The following ZC4H2 variants were observed in gnomAD, a reference collection of about 807,000 sequenced individuals.
ZC4H2 encodes the protein zinc finger C4H2-type containing.
For missense variants in ZC4H2, 137 were observed against 173.9 expected, an observed-to-expected ratio of 0.79 and a Z score of 1.19; for synonymous variants, 84 against 66.3, an observed-to-expected ratio of 1.27 and a Z score of -1.30.
At chrX:64,947,941 T>C (rs1362733487) in intron 1 of ZC4H2, among the ~76,000 whole-genome samples, 1 of 111,170 alleles carries the variant, frequency 9.0e-6, no homozygotes, top group East Asian at 2.8e-4. Context: ...GATTCATGAA[T>C]TGTTCATTGC....
chrX:64,922,485 G>A (rs1030010788), intron 1 of ZC4H2, among the ~76,000 whole-genome samples: 1 of 110,993 alleles, frequency 9.0e-6, no homozygotes, highest in South Asian at 3.8e-4. Flanking sequence ...AAGCTCAGTG[G>A]GTCTCGAATG....
In ZC4H2 at chrX:64,935,092, G is replaced by T. The variant is rs188787546; in HGVS notation, c.54-13104C>A. On this transcript the variant is annotated intron_variant, in intron 1 of 4. Coordinates refer to ENST00000374839, the MANE Select transcript of ZC4H2 (RefSeq NM_018684.4). Reference sequence around the variant, plus strand: ...GATCCACTGGCTTGAAATTCTCTCTGCCAGCACAGCAGCAGTCTGATACCG... The same window carrying T: ...GATCCACTGGCTTGAAATTCTCTCTTCCAGCACAGCAGCAGTCTGATACCG... Among the ~76,000 whole-genome samples the T allele has an allele frequency of 2.0e-3, 221 of 111,854 alleles. 1 individual carries two copies. Among genetic ancestry groups the T allele is most frequent in the Admixed American group, 6.2e-3 (66 of 10,599 alleles).
Position 64,917,331 on chromosome X carries a change from T to A in ZC4H2, c.*452A>T, listed in dbSNP as rs758070619. On this transcript the variant is annotated 3_prime_UTR_variant, in exon 5 of 5. Coordinates refer to ENST00000374839, the MANE Select transcript of ZC4H2 (RefSeq NM_018684.4). The stretch of plus-strand genomic sequence containing the variant: ...TACATGCACCCAGCCTGTTGGAGAA[T>A]CCAACATGAAGACTATTGTCCCTTG... The A allele has an allele frequency of 1.7e-5, 2 of 114,545 alleles. No homozygotes were observed. Among genetic ancestry groups the A allele is most frequent in the Non-Finnish European group, 3.6e-5 (2 of 55,347 alleles). 9.4% of individuals were successfully genotyped at this position (114,545 alleles called of 1,213,427 possible). A position where few individuals can be genotyped will look rare whatever the true frequency, so the allele number is the denominator to read the frequency against.
At chrX:64,927,738 A>G (rs977056550) in intron 1 of ZC4H2, among the ~76,000 whole-genome samples, 9 of 112,446 alleles carry the variant, frequency 8.0e-5, no homozygotes, top group African/African-American at 2.9e-4. Context: ...ACTAATTTAC[A>G]CTTCCACCAA....
intron 1 of ZC4H2, among the ~76,000 whole-genome samples, chrX:64,988,257 T>G (rs1046047846): frequency 1.9e-4 from 21 of 111,181 alleles, no homozygotes; most frequent in Admixed American, 1.2e-3. Context: ...CCCAGTAATG[T>G]GATGGCTGGG....
chrX:64,918,889 C>A (rs1174729457), intron 4 of ZC4H2, 153 bp downstream of exon 4: 25 of 663,727 alleles, frequency 3.8e-5, no homozygotes, highest in Non-Finnish European at 4.9e-5. Flanking sequence ...TCCAACACAG[C>A]ACACCCATGT....
At chrX:64,982,019 T>C (rs756068260) in intron 1 of ZC4H2, among the ~76,000 whole-genome samples, 1 of 111,570 alleles carries the variant, frequency 9.0e-6, no homozygotes, top group Admixed American at 9.5e-5. Context: ...CAAATGCAAA[T>C]TTCAGGGAAC....
At chrX:64,961,048 T>C (rs868209860) in intron 1 of ZC4H2, among the ~76,000 whole-genome samples, 10 of 111,514 alleles carry the variant, frequency 9.0e-5, no homozygotes, top group Non-Finnish European at 1.5e-4. Flanking sequence ...AAGTGGGGTA[T>C]TGAAGTCTCT....
At chrX:64,971,051 CCTA>C (rs1334362638) in intron 1 of ZC4H2, among the ~76,000 whole-genome samples, 1 of 112,128 alleles carries the variant, frequency 8.9e-6, no homozygotes, top group Non-Finnish European at 1.9e-5. Flanking sequence ...CCAAAGTATA[CCTA>C]CTACTTCATA....
chrX:64,935,300 TG>T (rs1413892179), intron 1 of ZC4H2, among the ~76,000 whole-genome samples: 5 of 111,667 alleles, frequency 4.5e-5, no homozygotes, highest in African/African-American at 6.5e-5. Context: ...AGGGCATCTC[TG>T]AAAAAAAGGC....
At chrX:64,963,018 C>G (rs755000497) in intron 1 of ZC4H2, among the ~76,000 whole-genome samples, 9 of 110,319 alleles carry the variant, frequency 8.2e-5, no homozygotes, top group African/African-American at 3.0e-4. Context: ...ACAATCTTAT[C>G]CCCTGATTTT....
chrX:64,982,228 T>C (rs1468599766), intron 1 of ZC4H2, among the ~76,000 whole-genome samples: 1 of 112,058 alleles, frequency 8.9e-6, no homozygotes, highest in South Asian at 3.8e-4. Context: ...CTAGCTCCAA[T>C]GACCTTCCGT....
At chrX:64,970,218 G>C (rs1201872636) in intron 1 of ZC4H2, among the ~76,000 whole-genome samples, 2 of 112,211 alleles carry the variant, frequency 1.8e-5, no homozygotes, top group Non-Finnish European at 3.8e-5. Context: ...TGGAAACAAA[G>C]CTACTGTCAG....
chrX:64,936,050 A>G (rs770704177), intron 1 of ZC4H2, among the ~76,000 whole-genome samples: 3 of 110,140 alleles, frequency 2.7e-5, no homozygotes, highest in Admixed American at 9.8e-5. Flanking sequence ...ATTGCTAACT[A>G]GAATAACCAG....
intron 1 of ZC4H2, among the ~76,000 whole-genome samples, chrX:64,963,575 A>C (rs1931481529): frequency 8.9e-6 from 1 of 111,970 alleles, no homozygotes; most frequent in Non-Finnish European, 1.9e-5. Context: ...AAATCCTACA[A>C]ACCAATAGTA....
intron 1 of ZC4H2, among the ~76,000 whole-genome samples, chrX:65,000,233 T>A (rs1414568585): frequency 1.8e-5 from 2 of 111,884 alleles, no homozygotes; most frequent in African/African-American, 6.5e-5. Flanking sequence ...AGGAAGAAGC[T>A]TCCAGAGGAA....
rs200499243 is a variant in ZC4H2, at chrX:65,013,502, A to AT, written c.-272+21126dup. Among the ~76,000 whole-genome samples the AT allele has an allele frequency of 6.9e-3, 760 of 110,891 alleles. 9 individuals carry two copies. Among genetic ancestry groups the AT allele is most frequent in the African/African-American group, 0.019 (593 of 30,491 alleles). Reference sequence around the variant, plus strand: ...TCTTGCTAGCAGACTCTCTTTATTGATTTTTTTTAGCTTGCAGGCCTTGAT... The same window carrying AT: ...TCTTGCTAGCAGACTCTCTTTATTGATTTTTTTTTAGCTTGCAGGCCTTGAT... On this transcript the variant is annotated intron_variant, in intron 1 of 4. Coordinates refer to the ZC4H2 transcript ENST00000337990.
rs139256231 is a variant in ZC4H2 at position 64,974,640 on chromosome X, G to C, written c.53+1685C>G. 6.0e-3 allele frequency among the ~76,000 whole-genome samples: 672 copies of C among 111,505 alleles called. 6 individuals carry two copies. Among genetic ancestry groups the C allele is most frequent in the African/African-American group, 0.02 (623 of 30,691 alleles). ...AAGGGCTGTTTGTTACTGCTGTTTA[G>C]AGGTGAAAGTTTGGCCTTCTCTCTG... On this transcript the variant is annotated intron_variant, in intron 1 of 4. Transcript: ENST00000374839.
At chrX:65,034,296 C>T (rs1457116766) in intron 1 of ZC4H2, among the ~76,000 whole-genome samples, 1 of 110,769 alleles carries the variant, frequency 9.0e-6, no homozygotes, top group East Asian at 2.8e-4. Context: ...TATGCTGTTG[C>T]AGTAGTCAAG....
Sources: gnomAD v4.1 joint callset for allele counts (sites outside exome capture counted in the v4.1 genomes callset) on GRCh38, gnomAD v4.1.1 for gene constraint, MANE v1.5 for transcripts, NCBI Gene and HGNC (gene_info 2026-07-23, HGNC 2026-07-21) for gene names.